GRK1: variants seen among roughly 807,000 people sequenced by gnomAD.
The protein encoded by GRK1 is rhodopsin kinase GRK1.
GRK1 carries 28 observed loss-of-function variants against 41.7 expected under a neutral mutation model. The ratio of observed to expected loss-of-function variants is 0.67; its 90% CI spans 0.50 to 0.92. GRK1 has a LOEUF of 0.92. Among genes scored for constraint, GRK1 ranks in the 40% least tolerant of loss-of-function variants. The probability of loss-of-function intolerance (pLI) is 0.00; values close to 1 mark genes in which losing one functional copy is unlikely to be tolerated. For synonymous variants in GRK1, 327 were observed against 286.7 expected, an observed-to-expected ratio of 1.14 and a Z score of -1.42; for missense variants, 703 against 671.2, an observed-to-expected ratio of 1.05 and a Z score of -0.52.
the GRK1 span, chr13:113,652,560 C>T: frequency 2.3e-6 from 1 of 439,782 alleles, no homozygotes; most frequent in Non-Finnish European, 4.2e-6. Context: ...AACTTGAGGC[C>T]CCTTTACCTG....
the GRK1 span, chr13:113,650,444 T>G: frequency 6.2e-7 from 1 of 1,614,056 alleles, no homozygotes; most frequent in Non-Finnish European, 8.5e-7. This position sits in a 1 kb window ranked among gnomAD's most constrained non-coding sequence, Gnocchi z 5.0. Context: ...TAGTGCAGAC[T>G]GAAGGTGCCG....
At chr13:113,655,329 A>G in the GRK1 span, among the ~76,000 whole-genome samples, 5 of 152,154 alleles carry the variant, frequency 3.3e-5, no homozygotes, top group African/African-American at 1.2e-4. Context: ...ACAGGAAGGG[A>G]AACTGAGGCA....
At chr13:113,723,306 G>T in intron 4 of GRK1, 149 bp downstream of exon 4, 1 of 512,296 alleles carries the variant, frequency 2.0e-6, no homozygotes, top group Non-Finnish European at 3.6e-6. Flanking sequence ...TTGTGCATTT[G>T]TGTGCATGTG....
At chr13:113,655,009 T>C in the GRK1 span, 1 of 1,594,256 alleles carries the variant, frequency 6.3e-7, no homozygotes, top group Non-Finnish European at 8.6e-7. Flanking sequence ...TCGGTGGCCT[T>C]GAGCGCGTCC....
intron 6 of GRK1, among the ~76,000 whole-genome samples, chr13:113,733,792 T>C (rs2049967768): frequency 1.5e-5 from 2 of 137,022 alleles, no homozygotes; most frequent in Admixed American, 6.9e-5. Flanking sequence ...TGTGCATGTG[T>C]GTATGTGTAT....
rs923910234 is a variant in GRK1 at position 113,731,048 on chromosome 13, C to T, written c.1070-171C>T. 1.9e-6 allele frequency: 1 copy of T among 514,032 alleles called. No individual in the cohort carries two copies. Among genetic ancestry groups the T allele is most frequent in the African/African-American group, 2.1e-5 (1 of 47,912 alleles). The allele number at this position is 514,032 out of a possible 1,614,324, so 31.8% of individuals were successfully genotyped here. A position where few individuals can be genotyped will look rare whatever the true frequency, so the allele number is the denominator to read the frequency against. On this transcript the variant is annotated intron_variant, in intron 4 of 6. Transcript: ENST00000335678. This position sits in a 1 kb window ranked among gnomAD's most constrained non-coding sequence, Gnocchi z 5.6. ...GCAGAGTCTGGGGTGCTGCTTGGCA[C>T]CCAGTAACACACAGGGCAGCCCCTC...
At chr13:113,655,082 ACCCCGTCC>A in the GRK1 span, 1 of 1,171,456 alleles carries the variant, frequency 8.5e-7, no homozygotes, top group Non-Finnish European at 1.2e-6. Context: ...CAAAACAGAA[ACCCCGTCC>A]CCACAAACAG....
chr13:113,655,698 C>T, the GRK1 span, among the ~76,000 whole-genome samples: 6 of 152,148 alleles, frequency 3.9e-5, no homozygotes, highest in South Asian at 2.1e-4. Flanking sequence ...AGGAAGAGGA[C>T]GGTTTTGTGT....
upstream of GRK1, among the ~76,000 whole-genome samples, chr13:113,665,154 G>A (rs535190334): frequency 1.1e-4 from 17 of 152,302 alleles, no homozygotes; most frequent in Admixed American, 5.2e-4. Context: ...CTATGCTCCG[G>A]CATTCTTCCT....
chr13:113,653,022 A>G, the GRK1 span: 1 of 1,614,028 alleles, frequency 6.2e-7, no homozygotes, highest in Non-Finnish European at 8.5e-7. Context: ...TGGAAGAAGT[A>G]CTGCTCGGAG....
Position 113,731,178 on chromosome 13 carries a change from G to A in GRK1, c.1070-41G>A, listed in dbSNP as rs897895392. 5.2e-6 allele frequency: 8 copies of A among 1,531,086 alleles called. No homozygotes were observed. The African/African-American group carries it at 9.6e-5, about 18-fold the overall frequency. 94.8% of individuals were successfully genotyped at this position (1,531,086 alleles called of 1,614,324 possible). ...ATTCCTGGAGTGCGTGCCCACCATG[G>A]AGGTGACCACCTCTGAACCCGCAAT... On this transcript the variant is annotated intron_variant, in intron 4 of 6. Transcript: ENST00000335678. The surrounding 1 kb of genome is among the most constrained non-coding windows in gnomAD (Gnocchi z 5.6).
chr13:113,667,817 G>C lies in GRK1; in HGVS notation c.431G>C (p.Gly144Ala), dbSNP rs267603764. Residue 144 changes from glycine to alanine, a missense_variant, in exon 1 of 7, where the codon GGG (glycine) becomes GCG (alanine). By Grantham distance (60) the Gly-to-Ala change is moderately conservative. Coordinates refer to ENST00000335678, the MANE Select transcript of GRK1 (RefSeq NM_002929.3). This position sits in a 1 kb window ranked among gnomAD's most constrained non-coding sequence, Gnocchi z 7.5. ...GAGGGGCCTGTGGAGATCCAGGACG[G>C]GCTCTTCCAGCCCCTGCTGCAGGCC... is the stretch of plus-strand genomic sequence containing the variant. Reference protein sequence around the residue: ...FKEGPVEIQDGLFQPLLQATL... With the variant: ...FKEGPVEIQDALFQPLLQATL... The C allele has an allele frequency of 2.5e-6, 4 of 1,600,112 alleles. No individual in the cohort carries two copies. In the East Asian group the frequency reaches 9.0e-5, roughly 36 times the overall value.
upstream of GRK1, among the ~76,000 whole-genome samples, chr13:113,662,401 G>A (rs973026154): frequency 2.0e-5 from 3 of 152,306 alleles, no homozygotes; most frequent in Admixed American, 6.5e-5. Context: ...CCAAGACCGG[G>A]AACAAGCCCC....
chr13:113,654,771 C>G, the GRK1 span: 2 of 1,600,894 alleles, frequency 1.2e-6, no homozygotes, highest in Non-Finnish European at 1.7e-6. Context: ...AGGCGGCAGC[C>G]TGGCCTGTCA....
At chr13:113,728,343 T>C (rs2049908495) in intron 4 of GRK1, among the ~76,000 whole-genome samples, 1 of 122,846 alleles carries the variant, frequency 8.1e-6, no homozygotes, top group Non-Finnish European at 1.6e-5. Context: ...CCCATGGTGA[T>C]GAGGAGTACC....
chr13:113,734,897 G>A, intron 6 of GRK1, 171 bp from the exon 7 acceptor site: 2 of 586,394 alleles, frequency 3.4e-6, no homozygotes, highest in South Asian at 3.3e-5. Context: ...GAACCCAGGG[G>A]CCTTCTGGGA....
At chr13:113,650,168 CAAAAA>C in the GRK1 span, among the ~76,000 whole-genome samples, 34 of 100,002 alleles carry the variant, frequency 3.4e-4, no homozygotes, top group African/African-American at 1.1e-3. This position sits in a 1 kb window ranked among gnomAD's most constrained non-coding sequence, Gnocchi z 5.0. Flanking sequence ...AAGACTGTCT[CAAAAA>C]AAAAAAAAAA....
At chr13:113,672,029 G>A (rs2049860987) in intron 3 of GRK1, among the ~76,000 whole-genome samples, 1 of 152,080 alleles carries the variant, frequency 6.6e-6, no homozygotes, top group Non-Finnish European at 1.5e-5. Flanking sequence ...GTGCGTGGGG[G>A]GCGGGGCGAG....
At chr13:113,649,623 G>A in the GRK1 span, 3 of 1,403,454 alleles carry the variant, frequency 2.1e-6, no homozygotes, top group African/African-American at 2.9e-5. The surrounding 1 kb of genome is among the most constrained non-coding windows in gnomAD (Gnocchi z 4.7). Flanking sequence ...CAACAGTCAG[G>A]TTGGTGCAGA....
Sources: gnomAD v4.1 joint callset for allele counts (sites outside exome capture counted in the v4.1 genomes callset) on GRCh38, gnomAD v4.1.1 for gene constraint, Gnocchi (gnomAD v3.1) non-coding constraint, MANE v1.5 for transcripts, NCBI Gene and HGNC (gene_info 2026-07-23, HGNC 2026-07-21) for gene names.